The following LILRB1 variants were observed in gnomAD, a reference collection of about 807,000 sequenced individuals.
LILRB1 encodes the protein leukocyte immunoglobulin like receptor B1.
In LILRB1, 59 loss-of-function variants were observed where a neutral mutation model predicts 74.6. The observed-to-expected ratio is 0.79, with a 90% CI of 0.64 to 0.98. LILRB1 has a LOEUF of 0.98. Ranked by LOEUF, LILRB1 falls within the 50% of genes least tolerant of loss-of-function variation. The pLI, the probability that LILRB1 is intolerant of heterozygous loss-of-function variation, is 0.00. For missense variants in LILRB1, 804 were observed against 822.6 expected, an observed-to-expected ratio of 0.98 and a Z score of 0.28; for synonymous variants, 328 against 333.9, an observed-to-expected ratio of 0.98 and a Z score of 0.19.
chr19:54,623,852 C>T (rs980210339), intron 1 of LILRB1, among the ~76,000 whole-genome samples: 2 of 152,196 alleles, frequency 1.3e-5, no homozygotes, highest in Non-Finnish European at 2.9e-5. Flanking sequence ...TGCACATTTT[C>T]CCCCGGCCCC....
At chr19:54,629,129 C>T (rs528816225), upstream of LILRB1, among the ~76,000 whole-genome samples, 7 of 152,270 alleles carry the variant, frequency 4.6e-5, no homozygotes, top group South Asian at 1.5e-3. Context: ...TATATGCACA[C>T]TTTTTTCAAC....
At chr19:54,634,991 T>G in intron 10 of LILRB1, 113 bp from the exon 11 acceptor site, 4 of 1,429,830 alleles carry the variant, frequency 2.8e-6, no homozygotes, top group Non-Finnish European at 3.8e-6. Flanking sequence ...ATGAGGCATT[T>G]GGAACATGGA....
chr19:54,631,170 C>G, intron 2 of LILRB1, 63 bp downstream of exon 2: 3 of 1,613,910 alleles, frequency 1.9e-6, no homozygotes, highest in East Asian at 2.2e-5. Context: ...CAGCCAAACT[C>G]TTGTCCCTAA....
At chr19:54,635,486 C>T in intron 12 of LILRB1, 71 bp from the exon 13 acceptor site, 1 of 1,562,566 alleles carries the variant, frequency 6.4e-7, no homozygotes, top group South Asian at 1.2e-5. Flanking sequence ...GGGAGCTGAG[C>T]AGGGGCTGGC....
At chr19:54,632,930 A>T in intron 6 of LILRB1, 86 bp from the exon 7 acceptor site, 1 of 1,560,018 alleles carries the variant, frequency 6.4e-7, no homozygotes, top group Non-Finnish European at 8.7e-7. Flanking sequence ...AGAGACAGAG[A>T]CACTGAGGGT....
chr19:54,628,939 T>C (rs2063674575), upstream of LILRB1, among the ~76,000 whole-genome samples: 1 of 152,184 alleles, frequency 6.6e-6, no homozygotes, highest in Admixed American at 6.5e-5. Context: ...GCTATGGAGC[T>C]ATGAGCCAGG....
intron 7 of LILRB1, 81 bp from the exon 8 acceptor site, chr19:54,633,557 T>G (rs375010015): frequency 1.0e-4 from 138 of 1,360,298 alleles, no homozygotes; most frequent in East Asian, 1.8e-4. Flanking sequence ...AGGCCACAGG[T>G]CCCATGTAGA....
chr19:54,634,053 A>G lies in LILRB1; in HGVS notation c.1363+32A>G, dbSNP rs376149153. 1.6e-3 allele frequency: 2,591 copies of G among 1,571,008 alleles called. 32 individuals carry two copies. The African/African-American group carries it at 0.019, about 12-fold the overall frequency. On this transcript the variant is annotated intron_variant, in intron 9 of 14. Transcript: ENST00000324602. ...GACGGGCTCTGAGTGGGAGGTGGGC[A>G]GGGTCCAGGGGAGGCAGGGGTGGGT...
Position 54,632,766 on chromosome 19 carries a change from G to A in LILRB1, c.958+6G>A. The stretch of plus-strand genomic sequence containing the variant: ...CCTGGACATCCTGATCGCAGGTGAG[G>A]AGCCCAGCGGGTTCAGTCAGGGACC... On this transcript the variant is annotated splice_donor_region_variant and intron_variant, in intron 6 of 14. Coordinates refer to ENST00000324602, the MANE Select transcript of LILRB1 (RefSeq NM_001081637.3). 1.2e-6 allele frequency: 2 copies of A among 1,611,820 alleles called. No homozygotes were observed. Among genetic ancestry groups the A allele is most frequent in the Non-Finnish European group, 1.7e-6 (2 of 1,179,882 alleles).
chr19:54,619,671 A>C lies in LILRB1; in HGVS notation c.-166+2322A>C, dbSNP rs532857865. Among the ~76,000 whole-genome samples, 10 of 152,248 alleles carry C rather than the reference A, an allele frequency of 6.6e-5. No individual in the cohort carries two copies. In the South Asian group the frequency reaches 2.1e-3, roughly 32 times the overall value. On this transcript the variant is annotated intron_variant, in intron 1 of 15. Transcript: ENST00000396331. The stretch of plus-strand genomic sequence containing the variant: ...AAAGTAAGAGAGGAATTTTTATTTA[A>C]AAACAGAAAAATGAAATATCCTTTA...
chr19:54,623,833 G>A (rs1347722260), intron 1 of LILRB1, among the ~76,000 whole-genome samples: 9 of 152,196 alleles, frequency 5.9e-5, no homozygotes, highest in Non-Finnish European at 1.5e-5. Context: ...ATTTGGATGG[G>A]ATTTGTTTTG....
Position 54,632,563 on chromosome 19 carries a change from G to A in LILRB1, c.761G>A (p.Arg254Lys), listed in dbSNP as rs1490646874. ...LQCGSDAGYN[R>K]FVLYKDGERD... ...TGTGGCTCTGATGCTGGCTACAACA[G>A]ATTTGTTCTGTATAAGGACGGGGAA... The change falls in exon 6 of 15, where the codon AGA becomes AAA. Residue 254 changes from arginine (R) to lysine (K), a missense_variant. Arg to Lys is a conservative substitution (Grantham distance 26, BLOSUM62 2). Coordinates refer to ENST00000324602, the MANE Select transcript of LILRB1 (RefSeq NM_001081637.3). 1.2e-6 allele frequency: 2 copies of A among 1,614,150 alleles called. No homozygotes were observed. The highest frequency in any genetic ancestry group is 1.7e-6 in the Non-Finnish European group (2 of 1,180,010).
chr19:54,631,430 G>T, intron 3 of LILRB1, 70 bp from the exon 4 acceptor site: 1 of 1,605,116 alleles, frequency 6.2e-7, no homozygotes, highest in Middle Eastern at 1.8e-4. Context: ...GGAGGGTCCT[G>T]GGCTGAGAGC....
At position 54,632,512 on chromosome 19, in the gene LILRB1, C is replaced by T; in HGVS notation, c.710C>T (p.Ala237Val). Residue 237 changes from alanine (A) to valine (V), a missense_variant, in exon 6 of 15, where the codon GCC becomes GTC. Ala to Val is a moderately conservative substitution (Grantham distance 64). Transcript: ENST00000324602. ...SLSVQPGPIV[A>V]PEETLTLQCG... The stretch of plus-strand genomic sequence containing the variant: ...TCAGTGCAGCCAGGTCCTATCGTGG[C>T]CCCTGAGGAGACCCTGACTCTGCAG... 1 of 1,614,018 alleles carries T rather than the reference C, an allele frequency of 6.2e-7. No homozygotes were observed. The highest frequency in any genetic ancestry group is 1.1e-5 in the South Asian group (1 of 91,090).
At chr19:54,619,992 A>G (rs2063412983) in intron 1 of LILRB1, among the ~76,000 whole-genome samples, 1 of 150,326 alleles carries the variant, frequency 6.7e-6, no homozygotes, top group African/African-American at 2.4e-5. Flanking sequence ...TTACTAAATT[A>G]AAATAGTAGG....
chr19:54,635,562 G>A lies in LILRB1; in HGVS notation c.1606G>A (p.Ala536Thr). The A allele has an allele frequency of 6.2e-7, 1 of 1,613,268 alleles. No individual in the cohort carries two copies. Among genetic ancestry groups the A allele is most frequent in the Non-Finnish European group, 8.5e-7 (1 of 1,179,516 alleles). ...ADAQEENLYA[A>T]VKHTQPEDGV... Reference sequence around the variant, plus strand: ...CCCTTGCTCTGCCCCAGCAGATGCTGCCGTGAAGCACACACAGCCTGAGGA... The same window carrying A: ...CCCTTGCTCTGCCCCAGCAGATGCTACCGTGAAGCACACACAGCCTGAGGA... The change falls in exon 13 of 15, where the codon GCC becomes ACC. Residue 536 changes from alanine to threonine, a missense_variant. Coordinates refer to ENST00000324602, the MANE Select transcript of LILRB1 (RefSeq NM_001081637.3).
intron 9 of LILRB1, chr19:54,634,232 G>A: frequency 6.7e-7 from 1 of 1,497,296 alleles, no homozygotes; most frequent in South Asian, 1.3e-5. Flanking sequence ...TGGGAGAGGA[G>A]GCCTCCCAGG....
chr19:54,632,265 T>G (rs1568587902), intron 5 of LILRB1, 28 bp downstream of exon 5: 1 of 1,599,082 alleles, frequency 6.3e-7, no homozygotes, highest in Admixed American at 1.7e-5. Context: ...TTGCCTGGAG[T>G]TCCCTGAGTC....
intron 1 of LILRB1, among the ~76,000 whole-genome samples, chr19:54,618,829 G>A (rs1201086882): frequency 6.6e-6 from 1 of 152,090 alleles, no homozygotes; most frequent in Admixed American, 6.6e-5. Context: ...TTGGTTAACA[G>A]GGAATTAACT....
Sources: gnomAD v4.1 joint callset for allele counts (sites outside exome capture counted in the v4.1 genomes callset) on GRCh38, gnomAD v4.1.1 for gene constraint, MANE v1.5 for transcripts, NCBI Gene and HGNC (gene_info 2026-07-23, HGNC 2026-07-21) for gene names.